Variants in EBF1 observed in about 807,000 individuals in gnomAD.
EBF1 encodes the protein transcription factor COE1.
In EBF1, 10 loss-of-function variants were observed where a neutral mutation model predicts 68.4. That is an observed-to-expected ratio of 0.15 (90% CI 0.09 to 0.25). The LOEUF is 0.25. Ranked by LOEUF, EBF1 falls within the 10% of genes least tolerant of loss-of-function variation. The pLI is 1.00. For synonymous variants in EBF1, 298 were observed against 299.8 expected (o/e 0.99, Z 0.06); for missense variants, 509 against 794.4 (o/e 0.64, Z 4.32).
intron 11 of EBF1, among the ~76,000 whole-genome samples, chr5:158,718,554 T>C (rs956360090): frequency 6.6e-6 from 1 of 152,158 alleles, no homozygotes; most frequent in African/African-American, 2.4e-5. Flanking sequence ...GAGCAAGAAC[T>C]CATTCAACCT....
chr5:158,831,122 G>C (rs188678729), intron 7 of EBF1, among the ~76,000 whole-genome samples: 187 of 152,208 alleles, frequency 1.2e-3, no homozygotes, highest in Non-Finnish European at 2.3e-3. Context: ...TACTCTTGAG[G>C]GTGTCATTGG....
At chr5:158,888,835 C>A (rs894020932) in intron 6 of EBF1, among the ~76,000 whole-genome samples, 4 of 152,064 alleles carry the variant, frequency 2.6e-5, no homozygotes, top group Non-Finnish European at 4.4e-5. Flanking sequence ...ACCTAGGGTT[C>A]TCTTCCTCCT....
intron 7 of EBF1, among the ~76,000 whole-genome samples, chr5:158,825,542 C>T (rs929968501): frequency 1.1e-4 from 17 of 150,838 alleles, no homozygotes; most frequent in African/African-American, 4.1e-4. Context: ...GACACAAGCT[C>T]TACAAACTTA....
At chr5:158,701,585 G>C (rs769163573) in intron 15 of EBF1, among the ~76,000 whole-genome samples, 1 of 152,240 alleles carries the variant, frequency 6.6e-6, no homozygotes, top group East Asian at 1.9e-4. Flanking sequence ...CCCTGGGTGC[G>C]TAAGTGAGGA....
At chr5:158,891,691 C>T (rs76573439) in intron 6 of EBF1, among the ~76,000 whole-genome samples, 1,682 of 152,132 alleles carry the variant, frequency 0.011, 27 homozygotes, top group African/African-American at 0.038. Flanking sequence ...TTTACGCATA[C>T]GTATGTGTGT....
chr5:158,740,906 CTGAG>C (rs1470197462), intron 10 of EBF1, among the ~76,000 whole-genome samples: 2 of 152,178 alleles, frequency 1.3e-5, no homozygotes, highest in African/African-American at 4.8e-5. Flanking sequence ...TCACAGTACC[CTGAG>C]TATCTCAGCA....
intron 6 of EBF1, among the ~76,000 whole-genome samples, chr5:158,982,124 A>G (rs982638215): frequency 1.3e-5 from 2 of 152,244 alleles, no homozygotes; most frequent in Non-Finnish European, 2.9e-5. Flanking sequence ...AGACCAAACT[A>G]CACGCTAATT....
At chr5:158,707,754 G>T (rs116033957) in intron 15 of EBF1, 321 of 517,636 alleles carry the variant, frequency 6.2e-4, no homozygotes, top group African/African-American at 5.6e-3. Context: ...AAGTTGGAAA[G>T]AGGACTTCTT....
chr5:158,956,883 G>A (rs1034086403), intron 6 of EBF1, among the ~76,000 whole-genome samples: 5 of 150,688 alleles, frequency 3.3e-5, no homozygotes, highest in Admixed American at 6.6e-5. Context: ...CTCAGCCTCC[G>A]GAGTAGCTGG....
chr5:158,813,387 C>T (rs146261557), intron 8 of EBF1, among the ~76,000 whole-genome samples: 29 of 152,306 alleles, frequency 1.9e-4, no homozygotes, highest in African/African-American at 6.5e-4. Context: ...GTACACAACA[C>T]CTTCCCAGCT....
chr5:158,720,762 A>C (rs1761771981), intron 11 of EBF1, among the ~76,000 whole-genome samples: 1 of 152,214 alleles, frequency 6.6e-6, no homozygotes, highest in East Asian at 1.9e-4. Flanking sequence ...ATTATAGCTA[A>C]GGACCACTTT....
At chr5:158,890,629 T>C (rs1387661868) in intron 6 of EBF1, among the ~76,000 whole-genome samples, 1 of 152,210 alleles carries the variant, frequency 6.6e-6, no homozygotes, top group African/African-American at 2.4e-5. Flanking sequence ...TCAATACTTC[T>C]ATTTATACTT....
At chr5:158,991,450 C>A (rs188944628) in intron 6 of EBF1, among the ~76,000 whole-genome samples, 1,593 of 152,222 alleles carry the variant, frequency 0.01, 14 homozygotes, top group Non-Finnish European at 0.016. Flanking sequence ...GTAAGAGATG[C>A]CTTTGTAGAG....
chr5:159,060,250 G>A (rs1275017816), intron 6 of EBF1, among the ~76,000 whole-genome samples: 1 of 152,108 alleles, frequency 6.6e-6, no homozygotes, highest in Admixed American at 6.5e-5. Context: ...CTCCCTGTGA[G>A]AATAAATTTT....
In EBF1 at chr5:158,697,671, C is replaced by T. The variant is rs1489377959; in HGVS notation, c.*1440G>A. On this transcript the variant is annotated 3_prime_UTR_variant, in exon 16 of 16. Transcript: ENST00000313708. ...GTGAGCTTTTTTTCTTTGCAAAATA[C>T]GCAGTAAAATCTTTTTGTGATATTG... 10 of 202,868 alleles carry T rather than the reference C, an allele frequency of 4.9e-5. No individual in the cohort carries two copies. Among genetic ancestry groups the T allele is most frequent in the South Asian group, 3.8e-4 (2 of 5,226 alleles). 12.6% of individuals were successfully genotyped at this position (202,868 alleles called of 1,614,324 possible).
intron 6 of EBF1, 21 bp from the exon 7 acceptor site, chr5:158,840,131 A>G (rs749275821): frequency 1.9e-6 from 3 of 1,597,892 alleles, no homozygotes; most frequent in Middle Eastern, 1.7e-4. Context: ...ACAAATCATC[A>G]TGGTTAGCAT....
intron 5 of EBF1, among the ~76,000 whole-genome samples, chr5:159,076,698 C>T (rs1215443507): frequency 6.6e-6 from 1 of 152,192 alleles, no homozygotes; most frequent in Non-Finnish European, 1.5e-5. Context: ...CATATCACTG[C>T]ATCACATAGT....
chr5:159,006,739 C>A (rs1763649967), intron 6 of EBF1, among the ~76,000 whole-genome samples: 1 of 144,702 alleles, frequency 6.9e-6, no homozygotes, highest in South Asian at 2.2e-4. Context: ...ATTGGTCAGA[C>A]CACACTTAAT....
intron 8 of EBF1, among the ~76,000 whole-genome samples, chr5:158,799,983 C>T (rs551374576): frequency 1.3e-5 from 2 of 152,286 alleles, no homozygotes; most frequent in African/African-American, 4.8e-5. Flanking sequence ...CACAACACAA[C>T]TGCCAGGCTA....
Sources: gnomAD v4.1 joint callset for allele counts (sites outside exome capture counted in the v4.1 genomes callset) on GRCh38, gnomAD v4.1.1 for gene constraint, MANE v1.5 for transcripts, NCBI Gene and HGNC (gene_info 2026-07-23, HGNC 2026-07-21) for gene names.